The following SYBU variants were observed in gnomAD, a reference collection of about 807,000 sequenced individuals.
SYBU encodes syntabulin.
In SYBU, 21 loss-of-function variants were observed where a neutral mutation model predicts 35.9. That is an observed-to-expected ratio of 0.58 (90% CI 0.41 to 0.84). SYBU has a LOEUF of 0.84. Among genes scored for constraint, SYBU ranks in the 40% least tolerant of loss-of-function variants. The pLI is 0.00. For synonymous variants in SYBU, 319 were observed against 324.3 expected (o/e 0.98, Z 0.18); for missense variants, 768 against 848.2 (o/e 0.91, Z 1.17).
intron 1 of SYBU, among the ~76,000 whole-genome samples, chr8:109,687,532 G>C (rs1563781913): frequency 6.6e-6 from 1 of 152,114 alleles, no homozygotes; most frequent in Non-Finnish European, 1.5e-5. Flanking sequence ...CCAGAGAGAA[G>C]GGAAAGCCTG....
rs775913322 is a variant in SYBU, at chr8:109,575,695, T to C, written c.1203A>G (p.Leu401=). 1.2e-6 allele frequency: 2 copies of C among 1,614,014 alleles called. No homozygotes were observed. The highest frequency in any genetic ancestry group is 2.7e-5 in the African/African-American group (2 of 74,892). ...DFPCDSPEKS[L]TLNPPLDTMA... is the part of the protein sequence containing the mutation. ...TTGTGTCAAGAGGGGGGTTGAGGGT[T>C]AAGCTCTTCTCTGGGGAATCACATG... Residue 401 remains leucine, a synonymous_variant, in exon 7 of 7, where the codon TTA becomes TTG. Transcript: ENST00000276646.
At chr8:109,594,390 T>A (rs1167645348) in intron 3 of SYBU, among the ~76,000 whole-genome samples, 1 of 152,174 alleles carries the variant, frequency 6.6e-6, no homozygotes, top group African/African-American at 2.4e-5. Context: ...AGTGAGGTGG[T>A]GCTGTCTGCT....
intron 1 of SYBU, among the ~76,000 whole-genome samples, chr8:109,666,016 G>A (rs1051419773): frequency 6.6e-6 from 1 of 152,116 alleles, no homozygotes; most frequent in African/African-American, 2.4e-5. Context: ...GAGCTTGCAC[G>A]TTTCTTGTTA....
chr8:109,664,749 G>A (rs1201425242), intron 1 of SYBU, among the ~76,000 whole-genome samples: 3 of 152,098 alleles, frequency 2.0e-5, no homozygotes, highest in Non-Finnish European at 4.4e-5. Context: ...CACTGTGACC[G>A]AAAACATAGA....
In SYBU at chr8:109,691,542, C is replaced by A. The variant is rs574758392; in HGVS notation, c.-267G>T. On this transcript the variant is annotated 5_prime_UTR_variant, in exon 1 of 8. Transcript: ENST00000422135. This position sits in a 1 kb window ranked among gnomAD's most constrained non-coding sequence, Gnocchi z 4.7. ...GTGGTGCCGCGGAATCCCTTGCGCT[C>A]CGGTGCCCTCGGCCCCTCGGCCTCT... 103 of 466,710 alleles carry A rather than the reference C, an allele frequency of 2.2e-4. No individual in the cohort carries two copies. Among genetic ancestry groups the A allele is most frequent in the African/African-American group, 2.0e-3 (95 of 48,442 alleles). 28.9% of individuals were successfully genotyped at this position (466,710 alleles called of 1,614,324 possible).
intron 1 of SYBU, among the ~76,000 whole-genome samples, chr8:109,673,764 G>T (rs1013690615): frequency 5.3e-5 from 8 of 152,178 alleles, no homozygotes; most frequent in Non-Finnish European, 7.3e-5. Flanking sequence ...CTAACCCAAT[G>T]CAAGGAAGCT....
At chr8:109,642,584 A>C in intron 2 of SYBU, 144 bp downstream of exon 2, 1 of 469,480 alleles carries the variant, frequency 2.1e-6, no homozygotes, top group Non-Finnish European at 3.6e-6. Context: ...AGGTCACAAC[A>C]GCCAGAAATG....
intron 2 of SYBU, among the ~76,000 whole-genome samples, chr8:109,620,652 G>A (rs573215977): frequency 2.0e-4 from 31 of 152,278 alleles, no homozygotes; most frequent in Middle Eastern, 6.8e-3. Flanking sequence ...ATGGTTTTTA[G>A]GGTGCTGCTC....
chr8:109,586,243 C>T (rs952586145), intron 3 of SYBU, 81 bp from the exon 4 acceptor site: 11 of 1,008,682 alleles, frequency 1.1e-5, no homozygotes, highest in Middle Eastern at 3.0e-4. Context: ...CTTCCAGGTC[C>T]CTGCTCCCTG....
At chr8:109,654,042 G>C (rs778451801) in intron 1 of SYBU, among the ~76,000 whole-genome samples, 13 of 151,780 alleles carry the variant, frequency 8.6e-5, no homozygotes, top group Non-Finnish European at 1.5e-4. Flanking sequence ...CTCAATGAAC[G>C]TTAGCTATTT....
intron 3 of SYBU, among the ~76,000 whole-genome samples, chr8:109,591,420 C>G (rs1288431767): frequency 6.6e-6 from 1 of 151,924 alleles, no homozygotes; most frequent in Non-Finnish European, 1.5e-5. Flanking sequence ...CTTCTCTAAC[C>G]ATGTGCACAT....
chr8:109,672,187 C>A (rs1817007355), intron 1 of SYBU, among the ~76,000 whole-genome samples: 1 of 152,136 alleles, frequency 6.6e-6, no homozygotes, highest in Non-Finnish European at 1.5e-5. Flanking sequence ...AGGTGTGAGC[C>A]ACCAAGCCCA....
intron 3 of SYBU, among the ~76,000 whole-genome samples, chr8:109,616,291 T>G (rs1811783613): frequency 6.6e-6 from 1 of 152,054 alleles, no homozygotes; most frequent in Non-Finnish European, 1.5e-5. Flanking sequence ...ATTACAGGCA[T>G]GAGCCACCAC....
intron 1 of SYBU, among the ~76,000 whole-genome samples, chr8:109,664,188 A>G (rs1235203501): frequency 6.6e-6 from 1 of 152,202 alleles, no homozygotes; most frequent in African/African-American, 2.4e-5. Context: ...CGTACTGATT[A>G]ATGGCCCATG....
chr8:109,644,010 C>T, intron 1 of SYBU: 1 of 434,550 alleles, frequency 2.3e-6, no homozygotes, highest in Admixed American at 2.5e-5. Flanking sequence ...GTAACAAACA[C>T]CCTTTCGAAA....
At chr8:109,674,462 A>C (rs1321595513) in intron 1 of SYBU, among the ~76,000 whole-genome samples, 2 of 152,162 alleles carry the variant, frequency 1.3e-5, no homozygotes, top group Non-Finnish European at 2.9e-5. Flanking sequence ...GAGAAATAAA[A>C]TCCTTTACAG....
chr8:109,645,695 A>G, upstream of SYBU: 1 of 253,082 alleles, frequency 4.0e-6, no homozygotes, highest in Non-Finnish European at 7.8e-6. Context: ...GCTGTAGTAC[A>G]GTGGCGCGAT....
chr8:109,663,729 A>C (rs1331718848), intron 1 of SYBU, among the ~76,000 whole-genome samples: 1 of 152,032 alleles, frequency 6.6e-6, no homozygotes, highest in Non-Finnish European at 1.5e-5. Context: ...ATTTGACCCT[A>C]ACCTGTATTT....
In SYBU at chr8:109,575,106, C is replaced by T. The variant is rs200832178; in HGVS notation, c.1792G>A (p.Val598Ile). ...DGVIPLARGG[V>I]VRQYWSSSFL... ...CTGCTGCTCCAGTACTGCCTCACGA[C>T]GCCCCCGCGAGCCAGTGGGATGACA... The change falls in exon 7 of 7, where the codon GTC becomes ATC. Residue 598 changes from valine (V) to isoleucine (I), a missense_variant. Coordinates refer to ENST00000276646, the MANE Select transcript of SYBU (RefSeq NM_001099754.2). The T allele has an allele frequency of 7.1e-5, 115 of 1,612,592 alleles. No individual in the cohort carries two copies. Among genetic ancestry groups the T allele is most frequent in the Middle Eastern group, 1.7e-4 (1 of 6,058 alleles).
Sources: allele counts gnomAD v4.1 joint callset (sites outside exome capture counted in the v4.1 genomes callset), GRCh38; gene constraint gnomAD v4.1.1; non-coding constraint Gnocchi (gnomAD v3.1); transcripts MANE v1.5; gene names NCBI Gene and HGNC (gene_info 2026-07-23, HGNC 2026-07-21).